Variants in FBXO15 observed in about 807,000 individuals in gnomAD.
The protein encoded by FBXO15 is F-box only protein 15.
Under a neutral mutation model 49.5 loss-of-function variants are expected in FBXO15, and 30 were observed. The observed-to-expected ratio is 0.61, with a 90% CI of 0.45 to 0.82. FBXO15 has a LOEUF of 0.82. Ranked by LOEUF, FBXO15 falls within the 40% of genes least tolerant of loss-of-function variation. The probability of loss-of-function intolerance (pLI) is 0.00; values close to 1 mark genes in which losing one functional copy is unlikely to be tolerated. For missense variants in FBXO15, 591 were observed against 631.5 expected, an observed-to-expected ratio of 0.94 and a Z score of 0.69; for synonymous variants, 250 against 232.7, an observed-to-expected ratio of 1.07 and a Z score of -0.68.
chr18:74,128,284 G>A (rs937215688), intron 5 of FBXO15, among the ~76,000 whole-genome samples: 5 of 151,566 alleles, frequency 3.3e-5, no homozygotes, highest in Non-Finnish European at 7.4e-5. Flanking sequence ...TGCTCAAAGA[G>A]CAGGCGCCAT....
chr18:74,081,919 G>GT lies in FBXO15; in HGVS notation c.1263+7dup, dbSNP rs3831448. 261,629 of 1,593,108 alleles carry GT rather than the reference G, an allele frequency of 0.16. 29,373 individuals carry two copies. Among genetic ancestry groups the GT allele is most frequent in the African/African-American group, 0.54 (39,817 of 73,672 alleles). On this transcript the variant is annotated splice_region_variant and intron_variant, in intron 9 of 9. Transcript: ENST00000419743. The stretch of plus-strand genomic sequence containing the variant: ...TACTTGAAGAAAAGAAAACGGTTCT[G>GT]TTTTTACCTTTATACAGCCATCAAA...
chr18:74,096,763 G>C (rs997848569), intron 8 of FBXO15, among the ~76,000 whole-genome samples: 3 of 152,072 alleles, frequency 2.0e-5, no homozygotes, highest in African/African-American at 7.2e-5. Flanking sequence ...AGGAAACTCA[G>C]TGATCTCCAA....
intron 2 of FBXO15, among the ~76,000 whole-genome samples, 198 bp downstream of exon 2, chr18:74,140,004 G>A (rs113568258): frequency 0.022 from 3,320 of 152,210 alleles, 113 homozygotes; most frequent in African/African-American, 0.069. Context: ...TTGAAGTTTC[G>A]TTTCATAAAG....
intron 8 of FBXO15, among the ~76,000 whole-genome samples, chr18:74,120,850 A>C (rs1318937868): frequency 6.6e-6 from 1 of 150,722 alleles, no homozygotes; most frequent in Non-Finnish European, 1.5e-5. Context: ...AAAACAAAAT[A>C]ATACAGAAAA....
chr18:74,119,230 C>A (rs1421078077), intron 8 of FBXO15, among the ~76,000 whole-genome samples: 1 of 152,200 alleles, frequency 6.6e-6, no homozygotes, highest in Non-Finnish European at 1.5e-5. Context: ...CCAAAAAGAT[C>A]CTGGCCAATG....
rs2145203587 is a variant in FBXO15, at chr18:74,130,409, T to C, written c.575+7A>G. ...GCCATCATTCTCTTTTGGAACACAC[T>C]GCGTACCTGAGGGCCTCTTTGGTCT... is the stretch of plus-strand genomic sequence containing the variant. On this transcript the variant is annotated splice_region_variant and intron_variant, in intron 4 of 9. Transcript: ENST00000419743. 6.2e-7 allele frequency: 1 copy of C among 1,614,016 alleles called. No individual in the cohort carries two copies. Among genetic ancestry groups the C allele is most frequent in the Non-Finnish European group, 8.5e-7 (1 of 1,179,930 alleles).
chr18:74,140,290 A>G lies in FBXO15; in HGVS notation c.139T>C (p.Ser47Pro), dbSNP rs1457771442. 1 of 1,551,366 alleles carries G rather than the reference A, an allele frequency of 6.4e-7. No homozygotes were observed. Among genetic ancestry groups the G allele is most frequent in the Admixed American group, 2.0e-5 (1 of 50,970 alleles). ...GCRKGPGVKL[S>P]AGSAALRCHA... ...CACCTCAGGGCAGCAGAGCCTGCAG[A>G]AAGCTTGACCCCTGGCCCCTTTCTG... The change falls in exon 2 of 10, where the codon TCT (serine) becomes CCT (proline). Residue 47 changes from serine (S) to proline (P), a missense_variant. Transcript: ENST00000419743.
chr18:74,084,586 T>G (rs529273670), intron 8 of FBXO15, among the ~76,000 whole-genome samples: 2 of 152,354 alleles, frequency 1.3e-5, no homozygotes, highest in African/African-American at 4.8e-5. Flanking sequence ...TAGCCTTCAT[T>G]AAATTCCCGT....
chr18:74,077,833 C>T (rs1191976483), intron 9 of FBXO15, among the ~76,000 whole-genome samples: 1 of 152,172 alleles, frequency 6.6e-6, no homozygotes, highest in East Asian at 1.9e-4. Flanking sequence ...GATAACACAG[C>T]AGGTGGGACT....
chr18:74,144,449 A>C (rs1321702524), intron 1 of FBXO15, among the ~76,000 whole-genome samples: 2 of 152,136 alleles, frequency 1.3e-5, no homozygotes, highest in Non-Finnish European at 1.5e-5. Flanking sequence ...ATGCAAAAGA[A>C]GGCCAGGGAA....
chr18:74,129,661 A>C, intron 4 of FBXO15, 47 bp from the exon 5 acceptor site: 3 of 1,507,060 alleles, frequency 2.0e-6, no homozygotes, highest in South Asian at 2.4e-5. Context: ...ATTGAAAAAA[A>C]AAAAATGCTA....
At chr18:74,108,333 T>A (rs369215749) in intron 8 of FBXO15, among the ~76,000 whole-genome samples, 80 of 152,038 alleles carry the variant, frequency 5.3e-4, no homozygotes, top group African/African-American at 1.9e-3. Context: ...AGGTAAGCAA[T>A]GTAAACAGAA....
rs1914559366 is a variant in FBXO15, at chr18:74,123,479, A to G, written c.1027T>C (p.Leu343=). ...PYELPPHSPF[L]DDSPEYGLHG... ...AGTCCATACTCGGGGCTATCATCCA[A>G]AAAGGGGCTATGTGGAGGCAGTTCA... Residue 343 remains leucine, a synonymous_variant, in exon 8 of 10, where the codon TTG becomes CTG. Coordinates refer to ENST00000419743, the MANE Select transcript of FBXO15 (RefSeq NM_001142958.2). The G allele has an allele frequency of 6.2e-7, 1 of 1,613,680 alleles. No homozygotes were observed. The highest frequency in any genetic ancestry group is 1.7e-5 in the Admixed American group (1 of 59,942).
chr18:74,130,741 T>A, intron 3 of FBXO15, 83 bp from the exon 4 acceptor site: 2 of 1,406,646 alleles, frequency 1.4e-6, no homozygotes, highest in South Asian at 2.9e-5. Context: ...AGATGCATAT[T>A]TTCAAATAAT....
chr18:74,075,653 T>A lies in FBXO15; in HGVS notation c.1264-1923A>T, dbSNP rs1568152561. On this transcript the variant is annotated intron_variant, in intron 9 of 9. Coordinates refer to ENST00000419743, the MANE Select transcript of FBXO15 (RefSeq NM_001142958.2). The surrounding 1 kb of genome is among the most constrained non-coding windows in gnomAD (Gnocchi z 4.1). ...TTCCATCATCTGACCGAACATCTCT[T>A]GATAAGGCCACTAAATCCAGTGACC... Among the ~76,000 whole-genome samples the A allele has an allele frequency of 6.6e-6, 1 of 152,206 alleles. No homozygotes were observed. The highest frequency in any genetic ancestry group is 6.5e-5 in the Admixed American group (1 of 15,292).
chr18:74,132,174 T>C (rs1034899498), intron 3 of FBXO15, among the ~76,000 whole-genome samples: 10 of 152,264 alleles, frequency 6.6e-5, no homozygotes, highest in African/African-American at 2.2e-4. Flanking sequence ...TGCAATGCGA[T>C]GATGAGTTGA....
At chr18:74,124,447 T>C (rs1312441374) in intron 7 of FBXO15, 42 bp downstream of exon 7, 1 of 1,490,912 alleles carries the variant, frequency 6.7e-7, no homozygotes, top group Admixed American at 1.7e-5. Context: ...TACTTTATAT[T>C]TACTGTACAA....
chr18:74,138,691 G>A, intron 2 of FBXO15, among the ~76,000 whole-genome samples: 1 of 152,016 alleles, frequency 6.6e-6, no homozygotes, highest in Admixed American at 6.6e-5. Flanking sequence ...CATCTCAGCT[G>A]TAACCAGTCC....
chr18:74,128,015 T>C (rs1309766943), intron 5 of FBXO15, among the ~76,000 whole-genome samples: 1 of 152,194 alleles, frequency 6.6e-6, no homozygotes, highest in Non-Finnish European at 1.5e-5. Flanking sequence ...AAAGCCTAAT[T>C]ACTACATTAG....
Sources: allele counts gnomAD v4.1 joint callset (sites outside exome capture counted in the v4.1 genomes callset), GRCh38; gene constraint gnomAD v4.1.1; non-coding constraint Gnocchi (gnomAD v3.1); transcripts MANE v1.5; gene names NCBI Gene and HGNC (gene_info 2026-07-23, HGNC 2026-07-21).